The following TRIM55 variants were observed in gnomAD, a reference collection of about 807,000 sequenced individuals.
TRIM55 encodes tripartite motif-containing protein 55.
TRIM55 carries 50 observed loss-of-function variants against 60.9 expected under a neutral mutation model. That is an observed-to-expected ratio of 0.82 (90% CI 0.65 to 1.04). The LOEUF (loss-of-function observed/expected upper bound fraction) is 1.04. TRIM55 is among the 50% of genes least tolerant of loss of function. The probability of loss-of-function intolerance (pLI) is 0.00; values close to 1 mark genes in which losing one functional copy is unlikely to be tolerated. For missense variants in TRIM55, 681 were observed against 666.9 expected, an observed-to-expected ratio of 1.02 and a Z score of -0.23; for synonymous variants, 237 against 238.1, an observed-to-expected ratio of 1.00 and a Z score of 0.04.
In TRIM55 at chr8:66,175,345, T is replaced by A. The variant is rs966347169; in HGVS notation, c.*752T>A. On this transcript the variant is annotated 3_prime_UTR_variant, in exon 10 of 10. Transcript: ENST00000315962. ...AAATTGTAGAACAATTGCATGTGTT[T>A]AAATATATATACAAACATATCACAC... 1 of 152,246 alleles carries A rather than the reference T, an allele frequency of 6.6e-6. No homozygotes were observed. Among genetic ancestry groups the A allele is most frequent in the Non-Finnish European group, 1.5e-5 (1 of 68,048 alleles). The allele number at this position is 152,246 out of a possible 1,614,324, so 9.4% of individuals were successfully genotyped here. A position where few individuals can be genotyped will look rare whatever the true frequency, so the allele number is the denominator to read the frequency against.
At chr8:66,169,289 G>A (rs956453665) in intron 9 of TRIM55, among the ~76,000 whole-genome samples, 1 of 152,172 alleles carries the variant, frequency 6.6e-6, no homozygotes, top group Non-Finnish European at 1.5e-5. Flanking sequence ...GCTCAAACAA[G>A]CGCATATCCA....
intron 8 of TRIM55, among the ~76,000 whole-genome samples, chr8:66,152,905 G>T (rs1389607627): frequency 2.1e-5 from 1 of 46,872 alleles, no homozygotes; most frequent in East Asian, 3.9e-4. Context: ...TCTGGAAATT[G>T]TGTGTGTGTG....
intron 2 of TRIM55, among the ~76,000 whole-genome samples, chr8:66,131,905 T>A (rs370607494): frequency 6.6e-6 from 1 of 152,246 alleles, no homozygotes; most frequent in East Asian, 1.9e-4. Flanking sequence ...TCACTTTTTG[T>A]CCTTATTGAT....
intron 2 of TRIM55, among the ~76,000 whole-genome samples, chr8:66,131,855 C>T (rs1014619027): frequency 2.0e-5 from 3 of 152,202 alleles, no homozygotes; most frequent in African/African-American, 7.2e-5. Context: ...TCCTAATTTC[C>T]AACATTTGGT....
At chr8:66,167,727 G>T (rs1811402515) in intron 9 of TRIM55, among the ~76,000 whole-genome samples, 1 of 152,086 alleles carries the variant, frequency 6.6e-6, no homozygotes, top group Non-Finnish European at 1.5e-5. Context: ...AGTTTGTATG[G>T]CTGTGAATCC....
At chr8:66,159,603 A>G (rs1446385592) in intron 9 of TRIM55, among the ~76,000 whole-genome samples, 1 of 152,222 alleles carries the variant, frequency 6.6e-6, no homozygotes, top group Non-Finnish European at 1.5e-5. Flanking sequence ...ACTTCATAAG[A>G]AACTGTCAAA....
At chr8:66,115,028 AAC>A in the TRIM55 span, 2 of 155,066 alleles carry the variant, frequency 1.3e-5, no homozygotes, top group African/African-American at 4.8e-5. Flanking sequence ...GATTGCACAG[AAC>A]ACAAAGACTT....
At position 66,152,363 on chromosome 8, in the gene TRIM55, C is replaced by A. The variant is rs769306478; in HGVS notation, c.986-14C>A. On this transcript the variant is annotated splice_polypyrimidine_tract_variant and intron_variant, in intron 7 of 9. Transcript: ENST00000315962. ...GATAGTTATAACAATTTACAAGATA[C>A]CTTACCTTACCAGAAGATGAAGATG... 3.2e-6 allele frequency: 5 copies of A among 1,559,806 alleles called. No individual in the cohort carries two copies. The highest frequency in any genetic ancestry group is 4.7e-5 in the East Asian group (2 of 42,732).
chr8:66,120,355 C>G, the TRIM55 span, among the ~76,000 whole-genome samples: 1 of 152,096 alleles, frequency 6.6e-6, no homozygotes, highest in Non-Finnish European at 1.5e-5. Flanking sequence ...GACAGACATG[C>G]CTTTGTTATT....
intron 3 of TRIM55, 129 bp downstream of exon 3, chr8:66,135,284 T>A: frequency 1.1e-6 from 1 of 914,062 alleles, no homozygotes; most frequent in East Asian, 2.4e-5. Flanking sequence ...CATGGGACAC[T>A]GGAGGGCACA....
the TRIM55 span, among the ~76,000 whole-genome samples, chr8:66,121,649 G>A: frequency 3.3e-5 from 5 of 152,162 alleles, no homozygotes; most frequent in African/African-American, 1.2e-4. Flanking sequence ...TAAGGCAAAC[G>A]CTGAGCTGTT....
chr8:66,152,851 C>T (rs1810517898), intron 8 of TRIM55, among the ~76,000 whole-genome samples: 1 of 151,656 alleles, frequency 6.6e-6, no homozygotes, highest in South Asian at 2.1e-4. Flanking sequence ...AAATTTAATA[C>T]AACTTTCCCA....
chr8:66,116,369 G>A, the TRIM55 span, among the ~76,000 whole-genome samples: 1 of 152,052 alleles, frequency 6.6e-6, no homozygotes, highest in Admixed American at 6.5e-5. Context: ...CACTTTGAGA[G>A]GCCCGGGCAG....
chr8:66,161,868 T>C (rs1811072661), intron 9 of TRIM55, among the ~76,000 whole-genome samples: 1 of 151,960 alleles, frequency 6.6e-6, no homozygotes, highest in African/African-American at 2.4e-5. Context: ...GTATGTTAAT[T>C]TTGTATCCTG....
chr8:66,146,586 C>T (rs1163873815), intron 4 of TRIM55, among the ~76,000 whole-genome samples: 2 of 152,160 alleles, frequency 1.3e-5, no homozygotes, highest in African/African-American at 4.8e-5. Context: ...ATAAATGTTT[C>T]AAGTGCACAA....
At chr8:66,150,141 C>A in intron 5 of TRIM55, 76 bp from the exon 6 acceptor site, 1 of 1,528,466 alleles carries the variant, frequency 6.5e-7, no homozygotes, top group East Asian at 2.3e-5. Context: ...TCAGAGTCAA[C>A]AAAGGAAATA....
At chr8:66,160,812 A>G (rs1438889472) in intron 9 of TRIM55, among the ~76,000 whole-genome samples, 3 of 149,012 alleles carry the variant, frequency 2.0e-5, no homozygotes. Flanking sequence ...CCATTTGTAT[A>G]TCTTCTTTTG....
rs745363308 is a variant in TRIM55, at chr8:66,137,151, A to G, written c.564A>G (p.Gly188=). ...TGGGCAGCAACGATCGAGTCCAGGG[A>G]GTGATCAGCCAGCTGGAAGACACCT... is the stretch of plus-strand genomic sequence containing the variant. ...ILVGSNDRVQ[G]VISQLEDTCK... is the part of the protein sequence containing the mutation. The change falls in exon 4 of 10, where the codon GGA becomes GGG. Residue 188 remains glycine, a synonymous_variant. Coordinates refer to ENST00000315962, the MANE Select transcript of TRIM55 (RefSeq NM_184085.2). The G allele has an allele frequency of 5.0e-6, 8 of 1,614,144 alleles. No homozygotes were observed. The highest frequency in any genetic ancestry group is 6.8e-6 in the Non-Finnish European group (8 of 1,180,020).
the TRIM55 span, among the ~76,000 whole-genome samples, chr8:66,120,240 C>T: frequency 6.6e-6 from 1 of 152,096 alleles, no homozygotes; most frequent in Admixed American, 6.5e-5. Context: ...CCTCTCTTCC[C>T]TAGATGAAAA....
Sources: gnomAD v4.1 joint callset for allele counts (sites outside exome capture counted in the v4.1 genomes callset) on GRCh38, gnomAD v4.1.1 for gene constraint, MANE v1.5 for transcripts, NCBI Gene and HGNC (gene_info 2026-07-23, HGNC 2026-07-21) for gene names.